The following ZBTB38 variants were observed in gnomAD, a reference collection of about 807,000 sequenced individuals.
The protein encoded by ZBTB38 is zinc finger and BTB domain containing 38, also known as zinc finger and BTB domain-containing protein 38.
In ZBTB38, 20 loss-of-function variants were observed where a neutral mutation model predicts 76.8. The ratio of observed to expected loss-of-function variants is 0.26; its 90% CI spans 0.18 to 0.38. The LOEUF (loss-of-function observed/expected upper bound fraction) is 0.38. ZBTB38 is among the 10% of genes least tolerant of loss of function. ZBTB38 has a pLI of 1.00. For missense variants in ZBTB38, 1,082 were observed against 1,482.3 expected, an observed-to-expected ratio of 0.73 and a Z score of 4.43; for synonymous variants, 504 against 544.2, an observed-to-expected ratio of 0.93 and a Z score of 1.03.
upstream of ZBTB38, among the ~76,000 whole-genome samples, chr3:141,363,750 T>C (rs183240912): frequency 3.8e-4 from 58 of 152,278 alleles, no homozygotes; most frequent in Non-Finnish European, 7.3e-4. Flanking sequence ...TTTCAACAAA[T>C]AGTTATGGGA....
rs1450711371 is a variant in ZBTB38 at position 141,443,539 on chromosome 3, A to G, written c.1151A>G (p.Asn384Ser). Residue 384 changes from asparagine (N) to serine (S), a missense_variant, in exon 6 of 6, where the codon AAC becomes AGC. Physicochemically the swap from Asn to Ser is conservative, Grantham distance 46. Coordinates refer to ENST00000321464, the MANE Select transcript of ZBTB38 (RefSeq NM_001376113.1). This position sits in a 1 kb window ranked among gnomAD's most constrained non-coding sequence, Gnocchi z 5.6. ...TGCAACAAACAATTCACCACCCTGA[A>G]CAGGTTGGATCGGCATGAACAGATC... ...KYCNKQFTTL[N>S]RLDRHEQICM... is the part of the protein sequence containing the mutation. 2 of 1,614,202 alleles carry G rather than the reference A, an allele frequency of 1.2e-6. No homozygotes were observed. The highest frequency in any genetic ancestry group is 1.7e-6 in the Non-Finnish European group (2 of 1,180,036).
At chr3:141,355,371 G>A (rs1038260926) in intron 1 of ZBTB38, among the ~76,000 whole-genome samples, 5 of 152,106 alleles carry the variant, frequency 3.3e-5, no homozygotes. Flanking sequence ...ATGTACAGGA[G>A]CCCTAGTCTT....
chr3:141,444,389 C>T lies in ZBTB38; in HGVS notation c.2001C>T (p.Asn667=), dbSNP rs1373232924. 1 of 1,613,974 alleles carries T rather than the reference C, an allele frequency of 6.2e-7. No homozygotes were observed. Among genetic ancestry groups the T allele is most frequent in the African/African-American group, 1.3e-5 (1 of 74,914 alleles). ...CATTGAAAATGGATCTTGACAATAA[C>T]TTTTATTCAACTGAGGTGTCAGTTT... ...EEALKMDLDN[N]FYSTEVSVSS... Residue 667 remains asparagine (N), a synonymous_variant, in exon 6 of 6, where the codon AAC becomes AAT. Transcript: ENST00000321464. This position sits in a 1 kb window ranked among gnomAD's most constrained non-coding sequence, Gnocchi z 5.1.
At chr3:141,385,141 A>T (rs369135667) in intron 3 of ZBTB38, among the ~76,000 whole-genome samples, 39 of 152,318 alleles carry the variant, frequency 2.6e-4, no homozygotes, top group African/African-American at 9.1e-4. Flanking sequence ...CAGAAGATTG[A>T]GGTGCTGGAA....
chr3:141,380,211 G>A (rs777729296), intron 2 of ZBTB38, among the ~76,000 whole-genome samples: 37 of 152,256 alleles, frequency 2.4e-4, no homozygotes, highest in Admixed American at 1.8e-3. Flanking sequence ...TTTCTAAAGC[G>A]TCTTCCTTGT....
chr3:141,360,225 T>C (rs1413158256), intron 1 of ZBTB38, among the ~76,000 whole-genome samples: 1 of 152,216 alleles, frequency 6.6e-6, no homozygotes, highest in African/African-American at 2.4e-5. Context: ...ATGTCTGTCA[T>C]AGACCATCTT....
chr3:141,337,762 C>T (rs925929161), intron 1 of ZBTB38, among the ~76,000 whole-genome samples: 1 of 152,170 alleles, frequency 6.6e-6, no homozygotes, highest in African/African-American at 2.4e-5. Context: ...ACCTTCATCC[C>T]TTATCTCAAG....
chr3:141,436,696 C>T (rs1354064978), intron 5 of ZBTB38, among the ~76,000 whole-genome samples: 3 of 152,118 alleles, frequency 2.0e-5, no homozygotes, highest in African/African-American at 7.2e-5. Flanking sequence ...TAGAGTTTCA[C>T]CATGTTGGCC....
chr3:141,447,263 G>A lies in ZBTB38; in HGVS notation c.*1287G>A, dbSNP rs1052895833. ...CCTAAAACAGTAGCTTTGTTTTTAG[G>A]GGGTGGGAAGGTAGGATGTGGAGTG... On this transcript the variant is annotated 3_prime_UTR_variant, in exon 6 of 6. Transcript: ENST00000321464. The A allele has an allele frequency of 3.3e-5, 5 of 152,574 alleles. No homozygotes were observed. The highest frequency in any genetic ancestry group is 4.8e-5 in the African/African-American group (2 of 41,420). 9.5% of individuals were successfully genotyped at this position (152,574 alleles called of 1,614,324 possible).
chr3:141,414,556 G>A (rs768802171), intron 5 of ZBTB38, among the ~76,000 whole-genome samples: 2 of 152,196 alleles, frequency 1.3e-5, no homozygotes, highest in Non-Finnish European at 2.9e-5. Flanking sequence ...TGTGTCCAGG[G>A]ACATCTGGAA....
At chr3:141,431,775 G>A (rs1179023391) in intron 5 of ZBTB38, 1 of 152,106 alleles carries the variant, frequency 6.6e-6, no homozygotes, top group Non-Finnish European at 1.5e-5. Context: ...GCAGCTTCCC[G>A]ATGTTGGCCT....
chr3:141,369,530 C>T (rs1272023833), intron 1 of ZBTB38, among the ~76,000 whole-genome samples: 1 of 152,142 alleles, frequency 6.6e-6, no homozygotes, highest in East Asian at 1.9e-4. Context: ...AGTTAAGTTC[C>T]CAAGAGAAAA....
Position 141,426,250 on chromosome 3 carries a change from A to G in ZBTB38, c.1-16139A>G. On this transcript the variant is annotated intron_variant, in intron 5 of 5. Transcript: ENST00000321464. ...TCTTGGTAATTTTCAGCAGGATGCA[A>G]AAGCACACCTGCCCAGACCCTGTCT... 6 of 1,189,228 alleles carry G rather than the reference A, an allele frequency of 5.0e-6. No individual in the cohort carries two copies. The South Asian group carries it at 7.6e-5, about 15-fold the overall frequency. 73.7% of individuals were successfully genotyped at this position (1,189,228 alleles called of 1,614,324 possible).
At chr3:141,370,279 ACTC>A (rs1351484716) in intron 2 of ZBTB38, among the ~76,000 whole-genome samples, 1 of 152,104 alleles carries the variant, frequency 6.6e-6, no homozygotes, top group African/African-American at 2.4e-5. Flanking sequence ...GGGTGTCTCC[ACTC>A]CTCAGTGCAG....
At chr3:141,403,499 G>T (rs558402302) in intron 4 of ZBTB38, among the ~76,000 whole-genome samples, 1 of 152,222 alleles carries the variant, frequency 6.6e-6, no homozygotes, top group Non-Finnish European at 1.5e-5. Context: ...AAAAAATAAC[G>T]TGCATTGCAC....
chr3:141,336,178 T>C (rs1007721873), intron 1 of ZBTB38, among the ~76,000 whole-genome samples: 3 of 152,210 alleles, frequency 2.0e-5, no homozygotes, highest in African/African-American at 7.2e-5. Context: ...CTTGCCTGAC[T>C]GCTGGTCGAT....
intron 3 of ZBTB38, chr3:141,383,792 G>A (rs746687318): frequency 2.0e-5 from 3 of 152,136 alleles, no homozygotes; most frequent in Admixed American, 1.3e-4. Context: ...AGATTATTTC[G>A]GGTTCCTCGT....
chr3:141,419,662 C>T (rs1033611898), intron 5 of ZBTB38, among the ~76,000 whole-genome samples: 5 of 152,018 alleles, frequency 3.3e-5, no homozygotes, highest in African/African-American at 9.7e-5. Context: ...GCAGTAGCAT[C>T]GTAAGAAGGA....
intron 1 of ZBTB38, among the ~76,000 whole-genome samples, chr3:141,345,116 T>G (rs1357889433): frequency 6.6e-6 from 1 of 152,166 alleles, no homozygotes; most frequent in Non-Finnish European, 1.5e-5. Flanking sequence ...TCACACGAAC[T>G]ACCAAGAACT....
Sources: allele counts gnomAD v4.1 joint callset (sites outside exome capture counted in the v4.1 genomes callset), GRCh38; gene constraint gnomAD v4.1.1; non-coding constraint Gnocchi (gnomAD v3.1); transcripts MANE v1.5; gene names NCBI Gene and HGNC (gene_info 2026-07-23, HGNC 2026-07-21).